The following LIPI variants were observed in gnomAD, a reference collection of about 807,000 sequenced individuals.
The protein encoded by LIPI is lipase member I.
Under a neutral mutation model 50.6 loss-of-function variants are expected in LIPI, and 59 were observed. The observed-to-expected ratio is 1.16, with a 90% CI of 0.94 to 1.45. The LOEUF (loss-of-function observed/expected upper bound fraction) is 1.45, where lower values mean the gene tolerates loss of function less well. Ranked by LOEUF, LIPI falls within the 40% of genes most tolerant of loss-of-function variation. LIPI has a pLI of 0.00. For synonymous variants in LIPI, 203 were observed against 178.2 expected (o/e 1.14, Z -1.11); for missense variants, 586 against 536.3 (o/e 1.09, Z -0.92).
Position 14,162,024 on chromosome 21 carries a change from T to G in LIPI, c.1006+1395A>C, listed in dbSNP as rs184461749. Among the ~76,000 whole-genome samples, 1,200 of 148,118 alleles carry G rather than the reference T, an allele frequency of 8.1e-3. 12 individuals are homozygous for G. The highest frequency in any genetic ancestry group is 0.027 in the African/African-American group (1,112 of 40,536). On this transcript the variant is annotated intron_variant, in intron 7 of 9. Transcript: ENST00000681601. ...TATCAATGATTCACTATACCTTTAG[T>G]TGCTGAGTAGTATCCCATAGGAACA...
chr21:14,141,836 C>A (rs1214533954), intron 9 of LIPI, among the ~76,000 whole-genome samples: 1 of 152,060 alleles, frequency 6.6e-6, no homozygotes, highest in Non-Finnish European at 1.5e-5. Context: ...TGATGTCTGG[C>A]CAAGATTTAC....
intron 1 of LIPI, among the ~76,000 whole-genome samples, chr21:14,202,003 T>C (rs2020070747): frequency 1.3e-5 from 2 of 152,072 alleles, no homozygotes; most frequent in South Asian, 4.1e-4. Flanking sequence ...GGATACAAAA[T>C]CAATGTGCAA....
chr21:14,127,925 G>GA (rs1424654739), intron 9 of LIPI, among the ~76,000 whole-genome samples: 4 of 151,896 alleles, frequency 2.6e-5, no homozygotes, highest in African/African-American at 9.7e-5. Context: ...AAACTTTGGG[G>GA]AAAAATGAAG....
intron 3 of LIPI, among the ~76,000 whole-genome samples, chr21:14,183,082 AG>A (rs2019329305): frequency 6.6e-6 from 1 of 152,168 alleles, no homozygotes; most frequent in Admixed American, 6.5e-5. Flanking sequence ...CTATGCTACA[AG>A]GCTACAGTAA....
intron 2 of LIPI, among the ~76,000 whole-genome samples, chr21:14,187,974 G>T (rs1317967031): frequency 6.6e-6 from 1 of 152,050 alleles, no homozygotes; most frequent in East Asian, 1.9e-4. Context: ...ACATATAACG[G>T]CTTCTTGGAA....
intron 9 of LIPI, among the ~76,000 whole-genome samples, chr21:14,132,435 A>AC (rs1179163154): frequency 3.9e-5 from 6 of 152,304 alleles, no homozygotes; most frequent in Admixed American, 2.0e-4. Context: ...ACACACACAC[A>AC]AAAAAGTTTT....
chr21:14,146,770 C>CAATTTTTTTTTTTT (rs2017919287), intron 8 of LIPI, among the ~76,000 whole-genome samples: 1 of 64,872 alleles, frequency 1.5e-5, no homozygotes, highest in African/African-American at 7.2e-5. Context: ...TTCCCAGTCT[C>CAATTTTTTTTTTTT]TATTTTTTTT....
At chr21:14,130,586 G>T (rs948585167) in intron 9 of LIPI, among the ~76,000 whole-genome samples, 3 of 152,138 alleles carry the variant, frequency 2.0e-5, no homozygotes, top group Non-Finnish European at 4.4e-5. Context: ...CCTGAGTGGA[G>T]CACCGCCCTC....
At chr21:14,183,132 G>T (rs1181258415) in intron 3 of LIPI, among the ~76,000 whole-genome samples, 1 of 152,140 alleles carries the variant, frequency 6.6e-6, no homozygotes, top group Non-Finnish European at 1.5e-5. Context: ...CAGAGAAATA[G>T]ACCAATGGAA....
intron 9 of LIPI, among the ~76,000 whole-genome samples, chr21:14,115,706 C>T (rs143867209): frequency 2.4e-4 from 36 of 152,176 alleles, no homozygotes; most frequent in Middle Eastern, 3.4e-3. Flanking sequence ...CAAACGGAAC[C>T]GACTCAGGAG....
At chr21:14,180,535 T>G (rs185785874) in intron 4 of LIPI, among the ~76,000 whole-genome samples, 1,529 of 152,182 alleles carry the variant, frequency 0.01, 14 homozygotes, top group Non-Finnish European at 0.016. Context: ...ATATCGGGGG[T>G]GGGTTCCCCC....
chr21:14,118,771 A>G (rs1201851098), intron 9 of LIPI, among the ~76,000 whole-genome samples: 1 of 152,218 alleles, frequency 6.6e-6, no homozygotes, highest in Non-Finnish European at 1.5e-5. Flanking sequence ...TCATAGTAGA[A>G]CTACTACAAG....
Position 14,205,965 on chromosome 21 carries a change from C to G in LIPI, c.46+4835G>C, listed in dbSNP as rs944991009. 4.6e-5 allele frequency among the ~76,000 whole-genome samples: 7 copies of G among 152,056 alleles called. 1 individual carries two copies. Among genetic ancestry groups the G allele is most frequent in the African/African-American group, 1.4e-4 (6 of 41,416 alleles). On this transcript the variant is annotated intron_variant, in intron 1 of 9. Transcript: ENST00000681601. ...CCAAAGATGTAGGAAGATAATGACTCTAGCAGTAATCTCAACAGAGAGGTA... is the reference window on the plus strand; with the variant it reads ...CCAAAGATGTAGGAAGATAATGACTGTAGCAGTAATCTCAACAGAGAGGTA...
At chr21:14,144,081 C>T (rs1397445994) in intron 9 of LIPI, 1 of 153,964 alleles carries the variant, frequency 6.5e-6, no homozygotes, top group Non-Finnish European at 1.5e-5. Flanking sequence ...CTCCTGTCAG[C>T]ATATTCTTGG....
chr21:14,165,042 A>G (rs560805205), intron 6 of LIPI, among the ~76,000 whole-genome samples, 181 bp downstream of exon 6: 4 of 152,266 alleles, frequency 2.6e-5, no homozygotes, highest in Admixed American at 2.6e-4. Context: ...AATATATTAA[A>G]AATGTTTAGT....
intron 9 of LIPI, among the ~76,000 whole-genome samples, chr21:14,131,162 G>A (rs1027012160): frequency 6.6e-6 from 1 of 152,050 alleles, no homozygotes; most frequent in Non-Finnish European, 1.5e-5. Flanking sequence ...ATGTTAGCCA[G>A]GATGGTCTCG....
At chr21:14,144,504 A>G (rs576210452) in intron 9 of LIPI, 119 bp downstream of exon 9, 1 of 539,656 alleles carries the variant, frequency 1.9e-6, no homozygotes, top group Non-Finnish European at 3.3e-6. Flanking sequence ...TGTAAAATAT[A>G]GTCTGAAATA....
intron 3 of LIPI, among the ~76,000 whole-genome samples, chr21:14,185,644 G>T (rs559529369): frequency 1.3e-5 from 2 of 152,114 alleles, no homozygotes; most frequent in South Asian, 4.1e-4. Flanking sequence ...TTGGAAGGCC[G>T]AGGCAGGCAG....
At chr21:14,146,526 A>G (rs937780722) in intron 8 of LIPI, among the ~76,000 whole-genome samples, 1 of 152,070 alleles carries the variant, frequency 6.6e-6, no homozygotes, top group Middle Eastern at 3.2e-3. Context: ...CCATTGTGTC[A>G]TGTCTATATT....
Sources: gnomAD v4.1 joint callset for allele counts (sites outside exome capture counted in the v4.1 genomes callset) on GRCh38, gnomAD v4.1.1 for gene constraint, MANE v1.5 for transcripts, NCBI Gene and HGNC (gene_info 2026-07-23, HGNC 2026-07-21) for gene names.